Variants in TMC1 observed in about 807,000 individuals in gnomAD.
The protein encoded by TMC1 is transmembrane channel-like protein 1.
In TMC1, 84 loss-of-function variants were observed where a neutral mutation model predicts 105.8. The observed-to-expected ratio is 0.79, with a 90% confidence interval of 0.67 to 0.95. The LOEUF (loss-of-function observed/expected upper bound fraction) is 0.95, where lower values mean the gene tolerates loss of function less well. Among genes scored for constraint, TMC1 ranks in the 40% least tolerant of loss-of-function variants. The probability of loss-of-function intolerance (pLI) is 0.00; values close to 1 mark genes in which losing one functional copy is unlikely to be tolerated. For synonymous variants in TMC1, 315 were observed against 311.5 expected, an observed-to-expected ratio of 1.01 and a Z score of -0.12; for missense variants, 817 against 914.1, an observed-to-expected ratio of 0.89 and a Z score of 1.37.
chr9:72,632,982 G>GCTCT lies in TMC1; in HGVS notation c.-53+4922_-53+4925dup, dbSNP rs1466803052. 3.3e-5 allele frequency among the ~76,000 whole-genome samples: 5 copies of GCTCT among 151,496 alleles called. No individual in the cohort carries two copies. In the East Asian group the frequency reaches 7.8e-4, roughly 24 times the overall value. ...AGAAAGATATATTTTAGAGGTAGAAGCTCTCTAACATAGACACTATTCTGC... is the reference window on the plus strand; with the variant it reads ...AGAAAGATATATTTTAGAGGTAGAAGCTCTCTCTCTAACATAGACACTATTCTGC... On this transcript the variant is annotated intron_variant, in intron 4 of 23. Transcript: ENST00000297784.
intron 17 of TMC1, among the ~76,000 whole-genome samples, chr9:72,794,404 C>T (rs1243980341): frequency 1.3e-5 from 2 of 152,176 alleles, no homozygotes; most frequent in African/African-American, 2.4e-5. Flanking sequence ...ATGGCTGCAA[C>T]TGTGCGGCAA....
intron 1 of TMC1, among the ~76,000 whole-genome samples, chr9:72,536,132 A>G (rs954842848): frequency 6.6e-6 from 1 of 152,214 alleles, no homozygotes; most frequent in Non-Finnish European, 1.5e-5. Context: ...GCATAAACTC[A>G]AAAGTCCAAA....
At chr9:72,527,103 G>T (rs753830677) in intron 1 of TMC1, among the ~76,000 whole-genome samples, 2 of 152,226 alleles carry the variant, frequency 1.3e-5, no homozygotes, top group Non-Finnish European at 2.9e-5. Flanking sequence ...GCTCTGAGGG[G>T]CGTGGCTGGA....
intron 13 of TMC1, among the ~76,000 whole-genome samples, chr9:72,785,556 C>T (rs540814491): frequency 5.3e-5 from 8 of 152,172 alleles, no homozygotes; most frequent in Non-Finnish European, 7.3e-5. Context: ...TGCTCTTGCA[C>T]TTTGAGAGTA....
intron 9 of TMC1, among the ~76,000 whole-genome samples, chr9:72,741,869 G>T (rs936983271): frequency 6.6e-6 from 1 of 152,128 alleles, no homozygotes; most frequent in Non-Finnish European, 1.5e-5. Flanking sequence ...ATGACTTGTT[G>T]TCTTCTCTTT....
At chr9:72,655,947 ATCTGGAAATGAT>A in intron 5 of TMC1, 2 of 806,086 alleles carry the variant, frequency 2.5e-6, no homozygotes, top group Admixed American at 3.4e-5. Flanking sequence ...GTGGATTCTC[ATCTGGAAATGAT>A]CCCATGGCTT....
At position 72,817,365 on chromosome 9, in the gene TMC1, A is replaced by T. The variant is rs1828804168; in HGVS notation, c.1763+1155A>T. ...ATGACTCACATGTCCAGACTCACTA[A>T]GGAAGGAAATGCATCCTACATTTTC... On this transcript the variant is annotated intron_variant, in intron 19 of 23. Coordinates refer to ENST00000297784, the MANE Select transcript of TMC1 (RefSeq NM_138691.3). 4 of 152,156 alleles carry T rather than the reference A, an allele frequency of 2.6e-5. No individual in the cohort carries two copies. In the South Asian group the frequency reaches 8.3e-4, roughly 32 times the overall value. The allele number at this position is 152,156 out of a possible 1,614,324, so 9.4% of individuals were successfully genotyped here.
intron 4 of TMC1, among the ~76,000 whole-genome samples, chr9:72,635,692 TAAGCATAGA>T (rs1825521652): frequency 1.3e-5 from 2 of 152,268 alleles, no homozygotes; most frequent in East Asian, 3.9e-4. Flanking sequence ...GAGTTTAAAG[TAAGCATAGA>T]AAGCATAGAA....
chr9:72,749,183 TTG>T (rs1827538851), intron 10 of TMC1, among the ~76,000 whole-genome samples: 1 of 152,166 alleles, frequency 6.6e-6, no homozygotes. Context: ...TTGTCAGGGA[TTG>T]TGTGTAGGTG....
chr9:72,683,696 A>C (rs1435308204), intron 5 of TMC1, among the ~76,000 whole-genome samples: 1 of 134,030 alleles, frequency 7.5e-6, no homozygotes, highest in East Asian at 2.3e-4. Flanking sequence ...TAGTACAGAC[A>C]GCTGAAGGTG....
At position 72,754,848 on chromosome 9, in the gene TMC1, A is replaced by G. The variant is rs560655583; in HGVS notation, c.705A>G (p.Ala235=). Residue 235 remains alanine (A), a synonymous_variant, in exon 12 of 24, where the codon GCA becomes GCG. Transcript: ENST00000297784. ...AAACCGTTCCCAGAGCCGAAGAGGC[A>G]TCGGCAGCAAACTTTGGTGTGTTGT... ...PRKTVPRAEE[A]SAANFGVLYD... is the part of the protein sequence containing the mutation. 1 of 1,614,150 alleles carries G rather than the reference A, an allele frequency of 6.2e-7. No homozygotes were observed. Among genetic ancestry groups the G allele is most frequent in the Non-Finnish European group, 8.5e-7 (1 of 1,180,000 alleles).
chr9:72,599,153 C>G (rs1290732758), intron 2 of TMC1, among the ~76,000 whole-genome samples: 1 of 152,126 alleles, frequency 6.6e-6, no homozygotes, highest in Non-Finnish European at 1.5e-5. Flanking sequence ...GCCTCAGTCT[C>G]CCGAGTAGCT....
intron 4 of TMC1, among the ~76,000 whole-genome samples, chr9:72,639,355 A>G (rs1300312292): frequency 6.6e-6 from 1 of 152,202 alleles, no homozygotes; most frequent in Non-Finnish European, 1.5e-5. Context: ...AATTTGAAAC[A>G]CGGCCCACAC....
chr9:72,623,162 CTTTTT>C lies in TMC1; in HGVS notation c.-195-4749_-195-4745del, dbSNP rs57488888. Among the ~76,000 whole-genome samples the C allele has an allele frequency of 8.2e-5, 8 of 97,138 alleles. No homozygotes were observed. The East Asian group carries it at 2.4e-3, about 29-fold the overall frequency. 63.7% of individuals were successfully genotyped at this position (97,138 alleles called of 152,430 possible). A position where few individuals can be genotyped will look rare whatever the true frequency, so the allele number is the denominator to read the frequency against. ...CTCTCTCCCTGTTTTTTTTTTTTTT[CTTTTT>C]TTTTTTTTTGTCTCATCTTTGCTGT... is the stretch of plus-strand genomic sequence containing the variant. On this transcript the variant is annotated intron_variant, in intron 3 of 23. Transcript: ENST00000297784.
intron 1 of TMC1, among the ~76,000 whole-genome samples, chr9:72,526,278 T>C (rs1196411107): frequency 6.6e-6 from 1 of 152,210 alleles, no homozygotes; most frequent in African/African-American, 2.4e-5. Context: ...TTTCTCTTCA[T>C]GTGTACAACT....
chr9:72,685,486 C>A (rs188154834), intron 5 of TMC1, among the ~76,000 whole-genome samples: 71 of 151,880 alleles, frequency 4.7e-4, no homozygotes, highest in African/African-American at 1.7e-3. Flanking sequence ...GACTCAGCCT[C>A]CTGAGTAGCT....
At chr9:72,537,138 G>C (rs774730903) in intron 1 of TMC1, among the ~76,000 whole-genome samples, 18 of 152,184 alleles carry the variant, frequency 1.2e-4, no homozygotes, top group Non-Finnish European at 2.5e-4. Flanking sequence ...GAGTGGCCAG[G>C]ATGCAGACAG....
In TMC1 at chr9:72,523,221, G is replaced by GC. The variant is rs141540140; in HGVS notation, c.-428+1310dup. ...AATGAAGTGGGCTGAGTTGCAGTTA[G>GC]CCTGTGGGGAAAATGAAGGAGAAGG... is the stretch of plus-strand genomic sequence containing the variant. On this transcript the variant is annotated intron_variant, in intron 1 of 23. Coordinates refer to ENST00000297784, the MANE Select transcript of TMC1 (RefSeq NM_138691.3). Among the ~76,000 whole-genome samples the GC allele has an allele frequency of 2.3e-3, 343 of 152,206 alleles. 2 individuals carry two copies. The highest frequency in any genetic ancestry group is 7.9e-3 in the African/African-American group (327 of 41,522).
At chr9:72,799,261 C>T (rs578200814) in intron 17 of TMC1, among the ~76,000 whole-genome samples, 1 of 152,010 alleles carries the variant, frequency 6.6e-6, no homozygotes, top group Non-Finnish European at 1.5e-5. Context: ...TGTTAGACAA[C>T]AGTTGAGTTT....
Sources: allele counts gnomAD v4.1 joint callset (sites outside exome capture counted in the v4.1 genomes callset), GRCh38; gene constraint gnomAD v4.1.1; transcripts MANE v1.5; gene names NCBI Gene and HGNC (gene_info 2026-07-23, HGNC 2026-07-21).